The following PKIB variants were observed in gnomAD, a reference collection of about 807,000 sequenced individuals.
The protein encoded by PKIB is cAMP-dependent protein kinase inhibitor beta.
In PKIB, 2 loss-of-function variants were observed where a neutral mutation model predicts 4.5. That is an observed-to-expected ratio of 0.44 (90% CI 0.18 to 1.39). The LOEUF (loss-of-function observed/expected upper bound fraction) is 1.39, where lower values mean the gene tolerates loss of function less well. Ranked by LOEUF, PKIB falls within the 40% of genes most tolerant of loss-of-function variation. PKIB has a pLI of 0.27. For synonymous variants in PKIB, 38 were observed against 36.0 expected, an observed-to-expected ratio of 1.06 and a Z score of -0.20; for missense variants, 94 against 92.6, an observed-to-expected ratio of 1.02 and a Z score of -0.06.
intron 3 of PKIB, among the ~76,000 whole-genome samples, chr6:122,693,199 G>A (rs1417597888): frequency 1.3e-5 from 2 of 151,932 alleles, no homozygotes; most frequent in African/African-American, 2.4e-5. Context: ...AGAACACAAG[G>A]CTTCAAGGTT....
rs567065667 is a variant in PKIB at position 122,653,334 on chromosome 6, G to A, written c.-76+19967G>A. 3.4e-4 allele frequency among the ~76,000 whole-genome samples: 51 copies of A among 152,208 alleles called. 1 individual carries two copies. In the South Asian group the frequency reaches 9.8e-3, roughly 29 times the overall value. On this transcript the variant is annotated intron_variant, in intron 2 of 4. Transcript: ENST00000368452. ...CCTGGATTGTTTTTCCAGGTGACTAGCATCTCCACCCAAGCTCTTGTGATT... is the reference window on the plus strand; with the variant it reads ...CCTGGATTGTTTTTCCAGGTGACTAACATCTCCACCCAAGCTCTTGTGATT...
chr6:122,578,916 C>G (rs1773626859), intron 2 of PKIB, among the ~76,000 whole-genome samples: 1 of 152,170 alleles, frequency 6.6e-6, no homozygotes, highest in Non-Finnish European at 1.5e-5. Context: ...CCCTCTTTTG[C>G]TCCTTTTTCT....
chr6:122,551,874 CT>C (rs61025863), intron 2 of PKIB, among the ~76,000 whole-genome samples: 49,708 of 87,404 alleles, frequency 0.57, 13,565 homozygotes, highest in East Asian at 0.67. Flanking sequence ...CTTAGTACAT[CT>C]TTTTTTTTTT....
Position 122,576,050 on chromosome 6 carries a change from A to G in PKIB, c.-247-9871A>G, listed in dbSNP as rs545648910. On this transcript the variant is annotated intron_variant, in intron 2 of 6. Coordinates refer to the PKIB transcript ENST00000392491. ...CTAGGAAAGACAAATCTAATCAATA[A>G]TGATACAAGACCAGTTATTGCCTGG... is the stretch of plus-strand genomic sequence containing the variant. Among the ~76,000 whole-genome samples the G allele has an allele frequency of 2.6e-5, 4 of 152,344 alleles. No homozygotes were observed. The South Asian group carries it at 8.3e-4, about 32-fold the overall frequency.
rs1037254082 is a variant in PKIB, at chr6:122,611,599, ATT to A, written c.-161+1066_-161+1067del. On this transcript the variant is annotated intron_variant, in intron 1 of 4. Transcript: ENST00000368452. ...GAATTAGAAATATTGCGAGTATTGC[ATT>A]TCTCTTCGTGTACAGATAGATTTCA... Among the ~76,000 whole-genome samples, 11 of 152,296 alleles carry A rather than the reference ATT, an allele frequency of 7.2e-5. No individual in the cohort carries two copies. In the East Asian group the frequency reaches 7.7e-4, roughly 11 times the overall value.
At chr6:122,538,813 A>G (rs1777491907) in intron 2 of PKIB, among the ~76,000 whole-genome samples, 1 of 152,170 alleles carries the variant, frequency 6.6e-6, no homozygotes, top group South Asian at 2.1e-4. Context: ...ACCCATGAGC[A>G]TGGAATCTTC....
intron 2 of PKIB, among the ~76,000 whole-genome samples, chr6:122,487,963 T>A (rs1289355357): frequency 6.6e-6 from 1 of 152,204 alleles, no homozygotes; most frequent in Non-Finnish European, 1.5e-5. Context: ...TAAAGTGATA[T>A]CTTCCAGGTT....
At position 122,652,334 on chromosome 6, in the gene PKIB, G is replaced by GTGTGT. The variant is rs1264393970; in HGVS notation, c.-76+18967_-76+18968insTGTGT. ...TGTGTGTGTGTGTGTGTGTGTGTGT[G>GTGTGT]GAGAGAGAGAGATTTATTGAAAAGA... On this transcript the variant is annotated intron_variant, in intron 2 of 4. Coordinates refer to ENST00000368452, the MANE Select transcript of PKIB (RefSeq NM_181795.3). 2.4e-3 allele frequency among the ~76,000 whole-genome samples: 136 copies of GTGTGT among 57,652 alleles called. 3 individuals carry two copies. In the East Asian group the frequency reaches 0.055, roughly 23 times the overall value. The allele number at this position is 57,652 out of a possible 152,430, so 37.8% of individuals were successfully genotyped here. A position where few individuals can be genotyped will look rare whatever the true frequency, so the allele number is the denominator to read the frequency against.
At chr6:122,662,308 CTTTTTTTTTTTTTTTT>C (rs71021412) in intron 2 of PKIB, among the ~76,000 whole-genome samples, 6 of 13,252 alleles carry the variant, frequency 4.5e-4, no homozygotes, top group Non-Finnish European at 7.5e-4. Context: ...TCCTTGTCTC[CTTTTTTTTTTTTTTTT>C]TTTTTTTTTT....
chr6:122,605,665 C>T (rs554266725), upstream of PKIB, among the ~76,000 whole-genome samples: 9 of 152,132 alleles, frequency 5.9e-5, no homozygotes, highest in East Asian at 5.8e-4. Context: ...GGAGAGTGGG[C>T]GAATCCTCCC....
At chr6:122,506,824 C>T (rs1010027808) in intron 2 of PKIB, among the ~76,000 whole-genome samples, 48 of 150,252 alleles carry the variant, frequency 3.2e-4, no homozygotes, top group African/African-American at 1.0e-3. Flanking sequence ...CTCAGCCTCC[C>T]GAGTAGCTGG....
chr6:122,717,821 T>C lies in PKIB; in HGVS notation c.27T>C (p.Thr9=). 6.2e-7 allele frequency: 1 copy of C among 1,614,122 alleles called. No individual in the cohort carries two copies. The highest frequency in any genetic ancestry group is 8.5e-7 in the Non-Finnish European group (1 of 1,179,984). Residue 9 remains threonine, a synonymous_variant, in exon 4 of 5, where the codon ACT becomes ACC. Transcript: ENST00000368452. ...TGAGGACAGATTCATCAAAAATGAC[T>C]GACGTGGAGTCTGGGGTCGCCAATT... is the stretch of plus-strand genomic sequence containing the variant. MRTDSSKM[T]DVESGVANFA...
chr6:122,548,274 A>T (rs1405465434), intron 2 of PKIB, among the ~76,000 whole-genome samples: 1 of 152,212 alleles, frequency 6.6e-6, no homozygotes, highest in African/African-American at 2.4e-5. Context: ...CCTTTGTGAG[A>T]CTTCTACAGT....
upstream of PKIB, among the ~76,000 whole-genome samples, chr6:122,609,669 A>G (rs975726446): frequency 6.6e-6 from 1 of 152,216 alleles, no homozygotes; most frequent in Non-Finnish European, 1.5e-5. Context: ...GTGAGAAACC[A>G]CTTTCTCAGG....
intron 2 of PKIB, among the ~76,000 whole-genome samples, chr6:122,486,483 C>T (rs545905795): frequency 3.8e-4 from 58 of 151,966 alleles, no homozygotes; most frequent in Non-Finnish European, 7.5e-4. Flanking sequence ...TTCTGTTATA[C>T]ATTTTCATTT....
At chr6:122,626,747 T>G (rs1278117727) in intron 1 of PKIB, among the ~76,000 whole-genome samples, 4 of 152,192 alleles carry the variant, frequency 2.6e-5, no homozygotes, top group Non-Finnish European at 5.9e-5. Context: ...CTTGTACAAG[T>G]TCTCATACAA....
chr6:122,592,394 G>C (rs1562262782), intron 3 of PKIB, among the ~76,000 whole-genome samples: 1 of 152,074 alleles, frequency 6.6e-6, no homozygotes, highest in Non-Finnish European at 1.5e-5. Flanking sequence ...ATGAAAACTG[G>C]TTTATCTTAA....
chr6:122,619,333 T>A (rs1775125431), intron 1 of PKIB, among the ~76,000 whole-genome samples: 1 of 152,170 alleles, frequency 6.6e-6, no homozygotes, highest in Admixed American at 6.5e-5. Flanking sequence ...CATCTTTTGT[T>A]TCTATTTAAA....
chr6:122,633,698 T>G (rs1019022624), intron 2 of PKIB, among the ~76,000 whole-genome samples: 51 of 152,194 alleles, frequency 3.4e-4, no homozygotes, highest in African/African-American at 1.2e-3. Context: ...ATCAGAATAG[T>G]ATTTTGAAAT....
Sources: allele counts gnomAD v4.1 joint callset (sites outside exome capture counted in the v4.1 genomes callset), GRCh38; gene constraint gnomAD v4.1.1; transcripts MANE v1.5; gene names NCBI Gene and HGNC (gene_info 2026-07-23, HGNC 2026-07-21).